POR: variants seen among roughly 807,000 people sequenced by gnomAD.
The protein encoded by POR is NADPH--cytochrome P450 reductase.
In POR, 56 loss-of-function variants were observed where a neutral mutation model predicts 84.0. That is an observed-to-expected ratio of 0.67 (90% CI 0.54 to 0.83). The LOEUF (loss-of-function observed/expected upper bound fraction) is 0.83, where lower values mean the gene tolerates loss of function less well. POR is among the 40% of genes least tolerant of loss of function. The pLI, the probability that POR is intolerant of heterozygous loss-of-function variation, is 0.00. For synonymous variants in POR, 414 were observed against 400.5 expected (o/e 1.03, Z -0.40); for missense variants, 938 against 944.3 (o/e 0.99, Z 0.09).
Position 75,981,511 on chromosome 7 carries a change from G to T in POR, c.642-6G>T. The T allele has an allele frequency of 6.2e-7, 1 of 1,610,402 alleles. No individual in the cohort carries two copies. Among genetic ancestry groups the T allele is most frequent in the Non-Finnish European group, 8.5e-7 (1 of 1,178,772 alleles). Reference sequence around the variant, plus strand: ...AGCCGCTCCCCCTCTCCTCTCCTCGGCCCAGCTTGGAGGAGGACTTCATCA... The same window carrying T: ...AGCCGCTCCCCCTCTCCTCTCCTCGTCCCAGCTTGGAGGAGGACTTCATCA... On this transcript the variant is annotated splice_polypyrimidine_tract_variant and splice_region_variant and intron_variant, in intron 6 of 15. Coordinates refer to ENST00000461988, the MANE Select transcript of POR (RefSeq NM_000941.3).
At chr7:75,968,689 G>A (rs1585117774) in intron 2 of POR, among the ~76,000 whole-genome samples, 1 of 152,200 alleles carries the variant, frequency 6.6e-6, no homozygotes, top group Admixed American at 6.5e-5. Flanking sequence ...GCACAGGTCC[G>A]CCTCCAGCTC....
At chr7:75,973,102 C>T (rs1252179257) in intron 3 of POR, among the ~76,000 whole-genome samples, 1 of 151,772 alleles carries the variant, frequency 6.6e-6, no homozygotes, top group Non-Finnish European at 1.5e-5. Flanking sequence ...GGATTACAGG[C>T]GTGAACCACC....
chr7:75,940,072 C>T (rs1053276521), intron 1 of POR, among the ~76,000 whole-genome samples: 62 of 151,710 alleles, frequency 4.1e-4, no homozygotes, highest in African/African-American at 1.4e-3. Flanking sequence ...CCTCTTTACT[C>T]TTATTTTATT....
chr7:75,933,671 G>A (rs782776720), intron 1 of POR, among the ~76,000 whole-genome samples: 85 of 152,260 alleles, frequency 5.6e-4, no homozygotes, highest in African/African-American at 1.4e-3. Flanking sequence ...GATTACAGGC[G>A]TGAGCCACCG....
intron 2 of POR, among the ~76,000 whole-genome samples, chr7:75,957,510 G>A (rs552871659): frequency 1.9e-4 from 28 of 150,834 alleles, no homozygotes; most frequent in African/African-American, 5.8e-4. Flanking sequence ...CCCCACCGCC[G>A]TGAGTGAGGA....
At chr7:75,957,678 A>G (rs1787747071) in intron 2 of POR, among the ~76,000 whole-genome samples, 1 of 152,136 alleles carries the variant, frequency 6.6e-6, no homozygotes, top group South Asian at 2.1e-4. Context: ...AAGCACTTGT[A>G]TTTTTTTGTT....
chr7:75,916,657 G>T (rs1554548107), intron 1 of POR, among the ~76,000 whole-genome samples: 1 of 152,184 alleles, frequency 6.6e-6, no homozygotes, highest in Non-Finnish European at 1.5e-5. Context: ...CTAGCTGCCA[G>T]TTGCGTGGTG....
chr7:75,982,996 G>A (rs782591638), intron 8 of POR, among the ~76,000 whole-genome samples: 6 of 152,172 alleles, frequency 3.9e-5, no homozygotes, highest in Middle Eastern at 3.2e-3. Context: ...TTCCACATCT[G>A]TAAACAGACA....
chr7:75,954,274 G>T, intron 2 of POR, 94 bp downstream of exon 2: 1 of 1,322,188 alleles, frequency 7.6e-7, no homozygotes, highest in Non-Finnish European at 1.0e-6. Flanking sequence ...AAAGAAGCAA[G>T]GCTCCTTGTA....
In POR at chr7:75,985,129, G is replaced by A; in HGVS notation, c.1320G>A (p.Leu440=). Residue 440 remains leucine (L), a synonymous_variant, in exon 12 of 16, where the codon CTG becomes CTA. Coordinates refer to ENST00000461988, the MANE Select transcript of POR (RefSeq NM_000941.3). Reference sequence around the variant, plus strand: ...CCATCCTGCAGGACTGCCCGTCCCTGCGGCCCCCCATCGACCACCTGTGTG... The same window carrying A: ...CCATCCTGCAGGACTGCCCGTCCCTACGGCCCCCCATCGACCACCTGTGTG... The A allele has an allele frequency of 6.2e-7, 1 of 1,600,108 alleles. No homozygotes were observed. Among genetic ancestry groups the A allele is most frequent in the Non-Finnish European group, 8.5e-7 (1 of 1,179,570 alleles).
chr7:75,969,210 C>G (rs1178695549), intron 2 of POR, among the ~76,000 whole-genome samples: 3 of 152,202 alleles, frequency 2.0e-5, no homozygotes, highest in African/African-American at 7.2e-5. Context: ...CAGGGAATGC[C>G]CTTTTTTCTA....
intron 2 of POR, among the ~76,000 whole-genome samples, chr7:75,959,362 T>A (rs559979900): frequency 6.6e-6 from 1 of 152,126 alleles, no homozygotes; most frequent in Non-Finnish European, 1.5e-5. Context: ...CACAGAGCAG[T>A]AGGGAGTAAT....
Position 75,979,513 on chromosome 7 carries a change from C to T in POR, c.300C>T (p.Arg100=), listed in dbSNP as rs782001274. ...GGACTGCAGAGGAGTTTGCCAACCG[C>T]CTGTCCAAGGACGCCCACCGCTACG... The change falls in exon 4 of 16, where the codon CGC becomes CGT. Residue 100 remains arginine (R), a synonymous_variant. Coordinates refer to ENST00000461988, the MANE Select transcript of POR (RefSeq NM_000941.3). 7 of 1,613,390 alleles carry T rather than the reference C, an allele frequency of 4.3e-6. No individual in the cohort carries two copies. The East Asian group carries it at 8.9e-5, about 21-fold the overall frequency.
chr7:75,922,953 G>T, intron 1 of POR: 1 of 679,142 alleles, frequency 1.5e-6, no homozygotes, highest in Admixed American at 2.2e-5. Context: ...ATGACAAGGT[G>T]TGTCTCAGAC....
At chr7:75,954,273 A>T in intron 2 of POR, 93 bp downstream of exon 2, 1 of 1,329,486 alleles carries the variant, frequency 7.5e-7, no homozygotes, top group Non-Finnish European at 1.0e-6. Context: ...GAAAGAAGCA[A>T]GGCTCCTTGT....
In POR at chr7:75,985,586, C is replaced by CCAA; in HGVS notation, c.1408_1410dup (p.Asn470dup). On this transcript the variant is annotated inframe_insertion, in exon 13 of 16. Coordinates refer to ENST00000461988, the MANE Select transcript of POR (RefSeq NM_000941.3). ...ACACGGCCCTCCCCACAGGTCCACC[C>CCAA]CAACTCTGTGCACATCTGTGCGGTG... 1 of 1,551,384 alleles carries CCAA rather than the reference C, an allele frequency of 6.4e-7. No individual in the cohort carries two copies. Among genetic ancestry groups the CCAA allele is most frequent in the East Asian group, 2.3e-5 (1 of 43,628 alleles).
chr7:75,975,160 T>A (rs1788618743), intron 3 of POR, among the ~76,000 whole-genome samples: 1 of 152,000 alleles, frequency 6.6e-6, no homozygotes, highest in African/African-American at 2.4e-5. Context: ...TTCCTGTATT[T>A]TTTTTTTCTA....
chr7:75,933,819 A>G (rs1171113846), intron 1 of POR, among the ~76,000 whole-genome samples: 1 of 152,054 alleles, frequency 6.6e-6, no homozygotes, highest in Non-Finnish European at 1.5e-5. Context: ...CCCATTGTTA[A>G]TATTTTACCA....
chr7:75,956,029 G>A (rs182661224), intron 2 of POR, among the ~76,000 whole-genome samples: 5 of 152,276 alleles, frequency 3.3e-5, no homozygotes, highest in Admixed American at 6.5e-5. Flanking sequence ...CAGGCACAGC[G>A]GCTCACGTCT....
Sources: allele counts gnomAD v4.1 joint callset (sites outside exome capture counted in the v4.1 genomes callset), GRCh38; gene constraint gnomAD v4.1.1; transcripts MANE v1.5; gene names NCBI Gene and HGNC (gene_info 2026-07-23, HGNC 2026-07-21).